NRXN3: variants seen among roughly 807,000 people sequenced by gnomAD.
The protein encoded by NRXN3 is neurexin III.
In NRXN3, 32 loss-of-function variants were observed where a neutral mutation model predicts 137.6. That is an observed-to-expected ratio of 0.23 (90% CI 0.18 to 0.31). The LOEUF (loss-of-function observed/expected upper bound fraction) is 0.31. Among genes scored for constraint, NRXN3 ranks in the 10% least tolerant of loss-of-function variants. NRXN3 has a pLI of 1.00. For missense variants in NRXN3, 1,574 were observed against 2,062.5 expected (o/e 0.76, Z 4.59); for synonymous variants, 798 against 784.5 (o/e 1.02, Z -0.29).
chr14:78,723,821 T>A (rs2098470994), intron 8 of NRXN3, among the ~76,000 whole-genome samples: 1 of 152,080 alleles, frequency 6.6e-6, no homozygotes, highest in African/African-American at 2.4e-5. Flanking sequence ...GTGGTGGAAA[T>A]GACCCAGGTC....
At chr14:78,334,755 G>A (rs909536898) in intron 4 of NRXN3, among the ~76,000 whole-genome samples, 1 of 152,114 alleles carries the variant, frequency 6.6e-6, no homozygotes, top group Non-Finnish European at 1.5e-5. Flanking sequence ...CTCTCAGTGG[G>A]GATGGGTAGT....
intron 15 of NRXN3, among the ~76,000 whole-genome samples, chr14:79,190,852 A>G (rs1204073953): frequency 6.6e-6 from 1 of 152,186 alleles, no homozygotes; most frequent in East Asian, 1.9e-4. Flanking sequence ...AGGCATTATG[A>G]AAGAAACTAT....
chr14:79,272,695 G>T (rs2079534518), intron 15 of NRXN3, among the ~76,000 whole-genome samples: 2 of 152,100 alleles, frequency 1.3e-5, no homozygotes, highest in Non-Finnish European at 2.9e-5. Context: ...ACAATTCTGG[G>T]GTTTCATAGC....
chr14:79,358,580 A>G (rs1433654713), intron 15 of NRXN3, among the ~76,000 whole-genome samples: 1 of 131,876 alleles, frequency 7.6e-6, no homozygotes. Flanking sequence ...AAAAAGAAAG[A>G]AAGAGAGAAA....
intron 10 of NRXN3, among the ~76,000 whole-genome samples, chr14:78,869,444 T>C (rs1009123285): frequency 6.6e-6 from 1 of 152,178 alleles, no homozygotes; most frequent in Admixed American, 6.5e-5. Flanking sequence ...CAAAGTCTTC[T>C]AGTTGCCTAC....
At chr14:79,067,253 A>G (rs1373001637) in intron 15 of NRXN3, among the ~76,000 whole-genome samples, 1 of 152,068 alleles carries the variant, frequency 6.6e-6, no homozygotes, top group African/African-American at 2.4e-5. Flanking sequence ...TTCTGTTAAT[A>G]TGATGTATCA....
intron 2 of NRXN3, among the ~76,000 whole-genome samples, chr14:78,258,612 G>C (rs1431135129): frequency 6.6e-6 from 1 of 152,172 alleles, no homozygotes; most frequent in Non-Finnish European, 1.5e-5. Context: ...CCATAAGATA[G>C]ACTATAGCAG....
intron 4 of NRXN3, among the ~76,000 whole-genome samples, chr14:78,530,216 A>G (rs912363016): frequency 6.6e-6 from 1 of 152,162 alleles, no homozygotes; most frequent in African/African-American, 2.4e-5. Context: ...GCCTTTTTAA[A>G]CAGGCCCAGA....
intron 1 of NRXN3, among the ~76,000 whole-genome samples, chr14:78,193,476 T>A (rs1477930883): frequency 2.0e-5 from 3 of 152,232 alleles, no homozygotes; most frequent in African/African-American, 7.2e-5. Flanking sequence ...GGCCTATGTC[T>A]TACAAACAGA....
intron 15 of NRXN3, among the ~76,000 whole-genome samples, chr14:79,189,967 A>G (rs909784883): frequency 6.6e-6 from 1 of 152,182 alleles, no homozygotes; most frequent in African/African-American, 2.4e-5. Flanking sequence ...GCAGGAATTT[A>G]TATTACACTT....
chr14:79,590,710 G>A (rs1320998881), intron 16 of NRXN3, among the ~76,000 whole-genome samples: 1 of 152,148 alleles, frequency 6.6e-6, no homozygotes, highest in East Asian at 1.9e-4. Context: ...GTACAGGAGT[G>A]CATTTCTCCC....
At chr14:78,185,146 T>A (rs1032544213) in intron 1 of NRXN3, among the ~76,000 whole-genome samples, 1 of 152,208 alleles carries the variant, frequency 6.6e-6, no homozygotes, top group Non-Finnish European at 1.5e-5. Flanking sequence ...GTGCTAGGAA[T>A]ACAGAGAAGA....
At chr14:79,089,903 A>C (rs2048847053) in intron 15 of NRXN3, among the ~76,000 whole-genome samples, 1 of 152,144 alleles carries the variant, frequency 6.6e-6, no homozygotes, top group South Asian at 2.1e-4. Flanking sequence ...TAAAATGATG[A>C]CTTTTCATCT....
Position 78,932,221 on chromosome 14 carries a change from T to C in NRXN3, c.2276-25021T>C, listed in dbSNP as rs1183706250. Among the ~76,000 whole-genome samples the C allele has an allele frequency of 2.6e-5, 4 of 151,922 alleles. No individual in the cohort carries two copies. The South Asian group carries it at 6.2e-4, about 24-fold the overall frequency. The stretch of plus-strand genomic sequence containing the variant: ...AGAGAGTGTGAGCTTGAGAATTGGA[T>C]AGAAGTAGGGGAAGTTAGGCTCTGT... On this transcript the variant is annotated intron_variant, in intron 10 of 20. Coordinates refer to ENST00000335750, the MANE Select transcript of NRXN3 (RefSeq NM_001330195.2).
chr14:79,759,078 T>C (rs2099029713), intron 19 of NRXN3, among the ~76,000 whole-genome samples: 1 of 152,168 alleles, frequency 6.6e-6, no homozygotes, highest in Admixed American at 6.5e-5. Flanking sequence ...TGATACCATG[T>C]AATAAGATTT....
intron 2 of NRXN3, among the ~76,000 whole-genome samples, chr14:78,260,492 C>T (rs914142553): frequency 1.3e-5 from 2 of 152,190 alleles, no homozygotes; most frequent in South Asian, 4.1e-4. Flanking sequence ...ATTTTAATTT[C>T]ATCCAAGTTG....
intron 15 of NRXN3, among the ~76,000 whole-genome samples, chr14:79,264,049 A>G (rs1568848699): frequency 1.3e-5 from 2 of 152,150 alleles, no homozygotes; most frequent in Non-Finnish European, 2.9e-5. Flanking sequence ...AATACTACAG[A>G]ATGTGTAGCT....
intron 15 of NRXN3, among the ~76,000 whole-genome samples, chr14:79,118,155 G>GA (rs761184450): frequency 0.047 from 5,578 of 117,748 alleles, 316 homozygotes; most frequent in African/African-American, 0.15. Context: ...ATACATGAGG[G>GA]AAAAAAAAAA....
chr14:79,503,917 C>T (rs2096848511), intron 16 of NRXN3, among the ~76,000 whole-genome samples: 2 of 152,308 alleles, frequency 1.3e-5, no homozygotes, highest in South Asian at 4.1e-4. Flanking sequence ...TTTTCCAGTG[C>T]AGTCTTCTCA....
Sources: allele counts gnomAD v4.1 joint callset (sites outside exome capture counted in the v4.1 genomes callset), GRCh38; gene constraint gnomAD v4.1.1; transcripts MANE v1.5; gene names NCBI Gene and HGNC (gene_info 2026-07-23, HGNC 2026-07-21).